KLHL25: variants seen among roughly 807,000 people sequenced by gnomAD.
KLHL25 encodes kelch-like protein 25.
In KLHL25, 41 loss-of-function variants were observed where a neutral mutation model predicts 30.0. That is an observed-to-expected ratio of 1.37 (90% CI 1.07 to 1.78). KLHL25 has a LOEUF of 1.78. Ranked by LOEUF, KLHL25 falls within the 40% of genes most tolerant of loss-of-function variation. KLHL25 has a pLI of 0.00. For missense variants in KLHL25, 971 were observed against 824.5 expected, an observed-to-expected ratio of 1.18 and a Z score of -2.18; for synonymous variants, 399 against 355.3, an observed-to-expected ratio of 1.12 and a Z score of -1.38.
chr15:85,793,492 C>T (rs929712028), intron 1 of KLHL25, among the ~76,000 whole-genome samples: 7 of 152,132 alleles, frequency 4.6e-5, no homozygotes, highest in Admixed American at 6.5e-5. Context: ...TTGTGTCCTA[C>T]TCTTCCCCAG....
In KLHL25 at chr15:85,768,217, G is replaced by C; in HGVS notation, c.1594C>G (p.His532Asp). 6.2e-7 allele frequency: 1 copy of C among 1,614,198 alleles called. No individual in the cohort carries two copies. Among genetic ancestry groups the C allele is most frequent in the Non-Finnish European group, 8.5e-7 (1 of 1,180,044 alleles). The change falls in exon 2 of 3, where the codon CAT (histidine) becomes GAT (aspartate). Residue 532 changes from histidine (H) to aspartate (D), a missense_variant. Coordinates refer to ENST00000337975, the MANE Select transcript of KLHL25 (RefSeq NM_022480.4). ...GDMTAKRMSC[H>D]ALASGNKLYV... ...AGCTTGTTGCCGGAAGCCAGGGCAT[G>C]GCAGGACATGCGCTTGGCAGTCATG... is the stretch of plus-strand genomic sequence containing the variant.
chr15:85,778,297 C>T (rs961503672), intron 1 of KLHL25, among the ~76,000 whole-genome samples: 12 of 152,224 alleles, frequency 7.9e-5, no homozygotes, highest in Non-Finnish European at 1.6e-4. Flanking sequence ...TCCAGCTACA[C>T]GCCTTCACTC....
At chr15:85,766,248 A>C (rs548674095) in intron 2 of KLHL25, among the ~76,000 whole-genome samples, 117 of 152,328 alleles carry the variant, frequency 7.7e-4, no homozygotes, top group African/African-American at 2.6e-3. Context: ...TCCCTCCGGC[A>C]GGACAGCTCA....
rs779629319 is a variant in KLHL25, at chr15:85,789,191, T to C, written c.-11+5575A>G. 2.0e-5 allele frequency among the ~76,000 whole-genome samples: 3 copies of C among 152,194 alleles called. No homozygotes were observed. The highest frequency in any genetic ancestry group is 7.2e-5 in the African/African-American group (3 of 41,444). On this transcript the variant is annotated intron_variant, in intron 1 of 2. Coordinates refer to ENST00000337975, the MANE Select transcript of KLHL25 (RefSeq NM_022480.4). The surrounding 1 kb of genome is among the most constrained non-coding windows in gnomAD (Gnocchi z 4.1). The stretch of plus-strand genomic sequence containing the variant: ...ATCCTACTCCTCACCACTCGGCTGA[T>C]GGTGGAAGGCTCCTCCTGGCAGAGA...
At chr15:85,784,080 C>A (rs1321954382) in intron 1 of KLHL25, among the ~76,000 whole-genome samples, 1 of 152,170 alleles carries the variant, frequency 6.6e-6, no homozygotes, top group Admixed American at 6.5e-5. Flanking sequence ...TGATGCAGGT[C>A]CATGGATGTC....
intron 1 of KLHL25, among the ~76,000 whole-genome samples, chr15:85,772,153 G>C (rs2089679843): frequency 6.6e-6 from 1 of 151,970 alleles, no homozygotes; most frequent in Non-Finnish European, 1.5e-5. Context: ...GACATTTTAA[G>C]AGGCATTTGT....
Position 85,760,912 on chromosome 15 carries a change from G to A in KLHL25, c.*124C>T, listed in dbSNP as rs2089577544. Reference sequence around the variant, plus strand: ...CCCAAGGCTGCTGCTCCCCAGAGCTGGCAGGGCCCCTTCCACCTCTCGGAG... The same window carrying A: ...CCCAAGGCTGCTGCTCCCCAGAGCTAGCAGGGCCCCTTCCACCTCTCGGAG... On this transcript the variant is annotated 3_prime_UTR_variant, in exon 3 of 3. Transcript: ENST00000337975. 6.6e-6 allele frequency: 1 copy of A among 152,366 alleles called. No individual in the cohort carries two copies. Among genetic ancestry groups the A allele is most frequent in the Non-Finnish European group, 1.5e-5 (1 of 68,126 alleles). 9.4% of individuals were successfully genotyped at this position (152,366 alleles called of 1,614,324 possible). A position where few individuals can be genotyped will look rare whatever the true frequency, so the allele number is the denominator to read the frequency against.
intron 1 of KLHL25, among the ~76,000 whole-genome samples, chr15:85,792,581 C>T (rs1023207816): frequency 6.6e-6 from 1 of 152,150 alleles, no homozygotes; most frequent in Non-Finnish European, 1.5e-5. Context: ...ATCCAGCTTC[C>T]TACAAATGCG....
At position 85,768,341 on chromosome 15, in the gene KLHL25, C is replaced by G. The variant is rs778375939; in HGVS notation, c.1470G>C (p.Leu490=). Reference sequence around the variant, plus strand: ...CTCCCATGATGAAGATCTGGCTGCCCAGGACGGCAGCGGCTGTGTACCGCC... The same window carrying G: ...CTCCCATGATGAAGATCTGGCTGCCGAGGACGGCAGCGGCTGTGTACCGCC... ...QPWRYTAAAV[L]GSQIFIMGGD... Residue 490 remains leucine, a synonymous_variant, in exon 2 of 3, where the codon CTG becomes CTC. Coordinates refer to ENST00000337975, the MANE Select transcript of KLHL25 (RefSeq NM_022480.4). 13 of 1,613,822 alleles carry G rather than the reference C, an allele frequency of 8.1e-6. No individual in the cohort carries two copies. Among genetic ancestry groups the G allele is most frequent in the Non-Finnish European group, 9.3e-6 (11 of 1,180,030 alleles).
Position 85,768,020 on chromosome 15 carries a change from G to T in KLHL25, c.*21C>A. 1.3e-6 allele frequency: 2 copies of T among 1,594,096 alleles called. No homozygotes were observed. Among genetic ancestry groups the T allele is most frequent in the South Asian group, 2.2e-5 (2 of 89,214 alleles). On this transcript the variant is annotated 3_prime_UTR_variant, in exon 2 of 3. Transcript: ENST00000337975. ...CCGTGGGCTGCCAGGGACTCACCTG[G>T]CTGGGCTCAGCAGGTGCTCCTCACG... is the stretch of plus-strand genomic sequence containing the variant.
chr15:85,772,872 C>T (rs11637283), intron 1 of KLHL25, among the ~76,000 whole-genome samples: 22,429 of 152,308 alleles, frequency 0.15, 2,218 homozygotes, highest in Middle Eastern at 0.3. Flanking sequence ...ATGTACACGC[C>T]CAGGCAGGTT....
chr15:85,785,134 C>T (rs2089772678), intron 1 of KLHL25, among the ~76,000 whole-genome samples: 1 of 149,760 alleles, frequency 6.7e-6, no homozygotes. Flanking sequence ...CTCTCTGTCA[C>T]CCAGGTTGGA....
At chr15:85,771,551 C>A (rs922057214) in intron 1 of KLHL25, among the ~76,000 whole-genome samples, 26 of 152,366 alleles carry the variant, frequency 1.7e-4, no homozygotes, top group South Asian at 2.1e-4. Context: ...GAGATTAGAG[C>A]TAGCAAGGTC....
At chr15:85,778,320 G>A (rs2089723111) in intron 1 of KLHL25, among the ~76,000 whole-genome samples, 2 of 152,200 alleles carry the variant, frequency 1.3e-5, no homozygotes, top group Non-Finnish European at 2.9e-5. Flanking sequence ...CCACCAGAGA[G>A]CCAGAAAGTC....
chr15:85,774,595 G>A (rs139413380), intron 1 of KLHL25, among the ~76,000 whole-genome samples: 34 of 152,246 alleles, frequency 2.2e-4, no homozygotes, highest in South Asian at 8.3e-4. Context: ...TGCTTTTTCC[G>A]TGCCAGTCTC....
rs1183746853 is a variant in KLHL25, at chr15:85,768,517, C to A, written c.1294G>T (p.Asp432Tyr). The stretch of plus-strand genomic sequence containing the variant: ...ACCACTGCGGCATTGCTGACGCCAT[C>A]CCGCAAGGGGGCCACCATCATCCAC... ...NKWMMVAPLR[D>Y]GVSNAAVVSA... is the part of the protein sequence containing the mutation. Residue 432 changes from aspartate to tyrosine, a missense_variant, in exon 2 of 3, where the codon GAT becomes TAT. By Grantham distance (160) the Asp-to-Tyr change is radical (BLOSUM62 -3). Coordinates refer to ENST00000337975, the MANE Select transcript of KLHL25 (RefSeq NM_022480.4). The A allele has an allele frequency of 6.2e-7, 1 of 1,613,730 alleles. No individual in the cohort carries two copies. Among genetic ancestry groups the A allele is most frequent in the East Asian group, 2.2e-5 (1 of 44,876 alleles).
Position 85,768,631 on chromosome 15 carries a change from C to T in KLHL25, c.1180G>A (p.Gly394Arg), listed in dbSNP as rs775447675. 3 of 1,612,728 alleles carry T rather than the reference C, an allele frequency of 1.9e-6. No homozygotes were observed. The highest frequency in any genetic ancestry group is 2.7e-5 in the African/African-American group (2 of 74,926). The change falls in exon 2 of 3, where the codon GGG becomes AGG. Residue 394 changes from glycine to arginine, a missense_variant. Transcript: ENST00000337975. ...AELENCLYVV[G>R]GHTSLAGVFP... Reference sequence around the variant, plus strand: ...ACCCCTGCCAGGGATGTGTGTCCCCCCACCACATAGAGGCAGTTCTCCAGC... The same window carrying T: ...ACCCCTGCCAGGGATGTGTGTCCCCTCACCACATAGAGGCAGTTCTCCAGC...
At chr15:85,778,472 G>A (rs1367975172) in intron 1 of KLHL25, among the ~76,000 whole-genome samples, 1 of 152,202 alleles carries the variant, frequency 6.6e-6, no homozygotes, top group Non-Finnish European at 1.5e-5. Flanking sequence ...AGCACTTCAC[G>A]TGTTAACTCA....
intron 2 of KLHL25, among the ~76,000 whole-genome samples, chr15:85,765,657 A>C (rs2089617529): frequency 1.3e-5 from 2 of 149,400 alleles, no homozygotes; most frequent in East Asian, 2.0e-4. Flanking sequence ...AGAAGAAGAA[A>C]ACAGAAAAGC....
Sources: allele counts gnomAD v4.1 joint callset (sites outside exome capture counted in the v4.1 genomes callset), GRCh38; gene constraint gnomAD v4.1.1; non-coding constraint Gnocchi (gnomAD v3.1); transcripts MANE v1.5; gene names NCBI Gene and HGNC (gene_info 2026-07-23, HGNC 2026-07-21).